POLR1A: variants seen among roughly 807,000 people sequenced by gnomAD.
The protein encoded by POLR1A is RNA polymerase I subunit A.
Under a neutral mutation model 205.3 loss-of-function variants are expected in POLR1A, and 84 were observed. The ratio of observed to expected loss-of-function variants is 0.41; its 90% CI spans 0.34 to 0.49. The LOEUF (loss-of-function observed/expected upper bound fraction) is 0.49. Among genes scored for constraint, POLR1A ranks in the 20% least tolerant of loss-of-function variants. The pLI is 0.22. For synonymous variants in POLR1A, 799 were observed against 863.7 expected (o/e 0.93, Z 1.31); for missense variants, 1,645 against 2,204.5 (o/e 0.75, Z 5.08).
At chr2:86,078,033 C>G in intron 10 of POLR1A, 52 bp from the exon 11 acceptor site, 3 of 1,612,958 alleles carry the variant, frequency 1.9e-6, no homozygotes, top group Non-Finnish European at 2.5e-6. Context: ...TTCCAGTAGG[C>G]TTATTAGTTT....
chr2:86,046,556 A>G (rs372944290), intron 19 of POLR1A, among the ~76,000 whole-genome samples: 2 of 152,136 alleles, frequency 1.3e-5, no homozygotes, highest in Admixed American at 1.3e-4. Flanking sequence ...TAATATTATG[A>G]AAAGATCGGC....
intron 25 of POLR1A, 101 bp downstream of exon 25, chr2:86,040,291 T>C: frequency 1.1e-6 from 1 of 918,362 alleles, no homozygotes; most frequent in Non-Finnish European, 1.5e-6. Flanking sequence ...ACAGACACAC[T>C]CTCTCATTCA....
At chr2:86,082,861 C>T (rs968111693) in intron 7 of POLR1A, among the ~76,000 whole-genome samples, 4 of 152,158 alleles carry the variant, frequency 2.6e-5, no homozygotes, top group Admixed American at 6.5e-5. Flanking sequence ...CATAACCAGG[C>T]TCAGCTGCGA....
At chr2:86,048,723 C>G (rs375382587) in intron 18 of POLR1A, among the ~76,000 whole-genome samples, 161 bp downstream of exon 18, 1 of 152,222 alleles carries the variant, frequency 6.6e-6, no homozygotes. Flanking sequence ...GCCCTGGGCC[C>G]TTCAAAACAA....
In POLR1A at chr2:86,043,194, A is replaced by G. The variant is rs1672649132; in HGVS notation, c.3137T>C (p.Val1046Ala). The G allele has an allele frequency of 6.2e-7, 1 of 1,607,450 alleles. No individual in the cohort carries two copies. The highest frequency in any genetic ancestry group is 1.7e-5 in the Admixed American group (1 of 59,798). Residue 1046 changes from valine (V) to alanine (A), a missense_variant and splice_region_variant, in exon 23 of 34, where the codon GTG becomes GCG. Physicochemically the swap from Val to Ala is moderately conservative, Grantham distance 64. Coordinates refer to ENST00000263857, the MANE Select transcript of POLR1A (RefSeq NM_015425.6). ...ATGGAGATGCTGTGATTTCATTATCACCTAAACAAACAAACAAAAAAACAA... is the reference window on the plus strand; with the variant it reads ...ATGGAGATGCTGTGATTTCATTATCGCCTAAACAAACAAACAAAAAAACAA... The part of the protein sequence containing the change: ...QFPFLASNYE[V>A]IMKSQHLHEV...
intron 26 of POLR1A, 30 bp downstream of exon 26, chr2:86,039,297 C>T (rs759144335): frequency 6.8e-6 from 11 of 1,611,746 alleles, no homozygotes; most frequent in Middle Eastern, 3.6e-4. Flanking sequence ...GCCTTCACCC[C>T]GTCTGCAACC....
At chr2:86,069,110 G>A (rs373196325) in intron 13 of POLR1A, among the ~76,000 whole-genome samples, 20 of 152,228 alleles carry the variant, frequency 1.3e-4, no homozygotes, top group African/African-American at 4.3e-4. Context: ...CTGTGGGGAG[G>A]GTGAAATGAG....
At position 86,077,862 on chromosome 2, in the gene POLR1A, G is replaced by A. The variant is rs1408031464; in HGVS notation, c.1377C>T (p.Pro459=). 3 of 1,607,912 alleles carry A rather than the reference G, an allele frequency of 1.9e-6. No individual in the cohort carries two copies. The highest frequency in any genetic ancestry group is 2.5e-6 in the Non-Finnish European group (3 of 1,178,108). ...MYINTNEIGI[P]MVFATKLTYP... ...ACACACACACACACACACACACCAT[G>A]GGAATTCCAATTTCGTTGGTGTTGA... is the stretch of plus-strand genomic sequence containing the variant. The change falls in exon 11 of 34, where the codon CCC becomes CCT. Residue 459 remains proline, a synonymous_variant. Transcript: ENST00000263857.
rs199513281 is a variant in POLR1A at position 86,068,392 on chromosome 2, G to GA, written c.1866+1625_1866+1626insT. ...GCACAGCCAAGCACATGGGCGGGGG[G>GA]GGGGGGCGGGTGTCGTCCAAAGCTG... On this transcript the variant is annotated intron_variant, in intron 13 of 33. Transcript: ENST00000263857. Among the ~76,000 whole-genome samples, 7 of 114,888 alleles carry GA rather than the reference G, an allele frequency of 6.1e-5. 2 individuals are homozygous for GA. Among genetic ancestry groups the GA allele is most frequent in the East Asian group, 6.5e-4 (2 of 3,094 alleles). The allele number at this position is 114,888 out of a possible 152,430, so 75.4% of individuals were successfully genotyped here.
At chr2:86,072,622 T>G (rs1375855035) in intron 12 of POLR1A, among the ~76,000 whole-genome samples, 1 of 152,212 alleles carries the variant, frequency 6.6e-6, no homozygotes, top group Admixed American at 6.5e-5. Context: ...CGTGCCCCAG[T>G]GCCCCAGGGT....
chr2:86,042,620 C>T (rs904118834), intron 23 of POLR1A, among the ~76,000 whole-genome samples: 1 of 152,226 alleles, frequency 6.6e-6, no homozygotes, highest in South Asian at 2.1e-4. Flanking sequence ...GGAAGGGGAT[C>T]CTGGTATTTA....
intron 13 of POLR1A, 43 bp from the exon 14 acceptor site, chr2:86,065,508 C>T (rs1403747323): frequency 1.9e-6 from 3 of 1,569,410 alleles, no homozygotes; most frequent in Non-Finnish European, 2.6e-6. Flanking sequence ...GAAAATAAAT[C>T]TTAAGTCAAA....
chr2:86,069,131 A>C (rs1489410672), intron 13 of POLR1A, among the ~76,000 whole-genome samples: 1 of 152,250 alleles, frequency 6.6e-6, no homozygotes, highest in Admixed American at 6.5e-5. Context: ...GAGCCTCTAA[A>C]GTGCTCTCTG....
chr2:86,070,704 C>G lies in POLR1A; in HGVS notation c.1612-432G>C, dbSNP rs1673161716. 2.6e-5 allele frequency among the ~76,000 whole-genome samples: 1 copy of G among 38,386 alleles called. No individual in the cohort carries two copies. The highest frequency in any genetic ancestry group is 1.4e-4 in the African/African-American group (1 of 7,052). 25.2% of individuals were successfully genotyped at this position (38,386 alleles called of 152,430 possible). On this transcript the variant is annotated intron_variant, in intron 12 of 33. Coordinates refer to ENST00000263857, the MANE Select transcript of POLR1A (RefSeq NM_015425.6). This position sits in a 1 kb window ranked among gnomAD's most constrained non-coding sequence, Gnocchi z 4.4. ...TTGGCAGACTTTCGAATCCCCCCCCCGCCGTGATCACATGTGAGTACATTA... is the reference window on the plus strand; with the variant it reads ...TTGGCAGACTTTCGAATCCCCCCCCGGCCGTGATCACATGTGAGTACATTA...
chr2:86,097,031 C>G (rs1016022381), intron 3 of POLR1A, among the ~76,000 whole-genome samples: 1 of 151,612 alleles, frequency 6.6e-6, no homozygotes, highest in South Asian at 2.1e-4. Flanking sequence ...GCAAAAATCC[C>G]AAACAATTCG....
At chr2:86,029,760 C>T (rs1052625954) in intron 31 of POLR1A, among the ~76,000 whole-genome samples, 8 of 149,284 alleles carry the variant, frequency 5.4e-5, no homozygotes, top group Non-Finnish European at 8.9e-5. Flanking sequence ...CCATGCCCGG[C>T]TATTTTTTTT....
chr2:86,088,614 G>T lies in POLR1A; in HGVS notation c.682C>A (p.Pro228Thr). The T allele has an allele frequency of 6.2e-7, 1 of 1,614,092 alleles. No individual in the cohort carries two copies. Among genetic ancestry groups the T allele is most frequent in the Non-Finnish European group, 8.5e-7 (1 of 1,179,896 alleles). Reference protein sequence around the residue: ...EHNSKLTITFPAMVHRTAGQK... With the variant: ...EHNSKLTITFTAMVHRTAGQK... ...CCAGCTGTCCTGTGCACCATGGCTG[G>T]AAACGTGATAGTCAACTTGCTGTTG... The change falls in exon 6 of 34, where the codon CCA (proline) becomes ACA (threonine). Residue 228 changes from proline (P) to threonine (T), a missense_variant. By Grantham distance (38) the Pro-to-Thr change is conservative. This residue lies in a region of POLR1A where 330 missense variants were observed against 375.6 expected (regional missense o/e 0.88). Coordinates refer to ENST00000263857, the MANE Select transcript of POLR1A (RefSeq NM_015425.6).
In POLR1A at chr2:86,070,910, T is replaced by G. The variant is rs1351441937; in HGVS notation, c.1612-638A>C. Among the ~76,000 whole-genome samples, 2 of 151,910 alleles carry G rather than the reference T, an allele frequency of 1.3e-5. No homozygotes were observed. The highest frequency in any genetic ancestry group is 2.9e-5 in the Non-Finnish European group (2 of 67,988). On this transcript the variant is annotated intron_variant, in intron 12 of 33. Transcript: ENST00000263857. The surrounding 1 kb of genome is among the most constrained non-coding windows in gnomAD (Gnocchi z 4.4). The stretch of plus-strand genomic sequence containing the variant: ...GTTTGAAAATAGCAATTAAAACACT[T>G]AAAACACATTTTCTGTTGGCTCTTC...
At chr2:86,089,787 C>T (rs368935721) in intron 4 of POLR1A, 35 bp downstream of exon 4, 6 of 1,290,296 alleles carry the variant, frequency 4.7e-6, no homozygotes, top group Non-Finnish European at 6.8e-6. Flanking sequence ...AAATGATGCC[C>T]AAAACAGCAT....
Sources: allele counts gnomAD v4.1 joint callset (sites outside exome capture counted in the v4.1 genomes callset), GRCh38; gene constraint gnomAD v4.1.1; regional missense constraint gnomAD v4.1.1; non-coding constraint Gnocchi (gnomAD v3.1); transcripts MANE v1.5; gene names NCBI Gene and HGNC (gene_info 2026-07-23, HGNC 2026-07-21).